The following CEP43 variants were observed in gnomAD, a reference collection of about 807,000 sequenced individuals.
CEP43 encodes the protein FGFR1 oncogene partner.
A neutral mutation model predicts 52.6 loss-of-function variants in CEP43; 36 were observed. That is an observed-to-expected ratio of 0.68 (90% CI 0.52 to 0.90). CEP43 has a LOEUF of 0.90. Among genes scored for constraint, CEP43 ranks in the 40% least tolerant of loss-of-function variants. The pLI, the probability that CEP43 is intolerant of heterozygous loss-of-function variation, is 0.00. For missense variants in CEP43, 506 were observed against 472.8 expected, an observed-to-expected ratio of 1.07 and a Z score of -0.65; for synonymous variants, 192 against 172.4, an observed-to-expected ratio of 1.11 and a Z score of -0.89.
chr6:167,015,542 A>G (rs570768518), intron 7 of CEP43, among the ~76,000 whole-genome samples: 2 of 152,322 alleles, frequency 1.3e-5, no homozygotes, highest in East Asian at 1.9e-4. Context: ...CTCCCAAGGT[A>G]TGCAAAGCCA....
At position 167,041,877 on chromosome 6, in the gene CEP43, A is replaced by G. The variant is rs558069577; in HGVS notation, c.*1899A>G. 2.1e-4 allele frequency: 183 copies of G among 873,070 alleles called. No homozygotes were observed. In the South Asian group the frequency reaches 2.4e-3, roughly 11 times the overall value. 54.1% of individuals were successfully genotyped at this position (873,070 alleles called of 1,614,324 possible). On this transcript the variant is annotated 3_prime_UTR_variant, in exon 13 of 13. Coordinates refer to ENST00000366847, the MANE Select transcript of CEP43 (RefSeq NM_007045.4). ...CTCACTGTGTCACTCAGACTGGAGTACAGTGATGCGATCTCGGCTCACTGC... is the reference window on the plus strand; with the variant it reads ...CTCACTGTGTCACTCAGACTGGAGTGCAGTGATGCGATCTCGGCTCACTGC...
chr6:167,023,568 C>T lies in CEP43; in HGVS notation c.806+933C>T, dbSNP rs147694789. On this transcript the variant is annotated intron_variant, in intron 8 of 12. Coordinates refer to ENST00000366847, the MANE Select transcript of CEP43 (RefSeq NM_007045.4). ...TCCAAAGTAGGCTATTGAGTGTATG[C>T]GTTGGGATTGATGGAGAGGTCTGAG... Among the ~76,000 whole-genome samples the T allele has an allele frequency of 3.7e-3, 569 of 152,166 alleles. 2 individuals are homozygous for T. The highest frequency in any genetic ancestry group is 5.9e-3 in the Non-Finnish European group (399 of 67,996).
intron 10 of CEP43, among the ~76,000 whole-genome samples, chr6:167,030,220 A>C (rs751968542): frequency 2.6e-5 from 4 of 152,158 alleles, no homozygotes; most frequent in African/African-American, 4.8e-5. Context: ...TTAAATCCAC[A>C]TTGCAGCCAC....
Position 167,048,355 on chromosome 6 carries a change from C to G in CEP43, c.*8377C>G, listed in dbSNP as rs1246058641. Reference sequence around the variant, plus strand: ...ACCATTCTGGGCAATACGGTGAAACCCTGTCTCTACAAAAAAATGCAAAGA... The same window carrying G: ...ACCATTCTGGGCAATACGGTGAAACGCTGTCTCTACAAAAAAATGCAAAGA... On this transcript the variant is annotated 3_prime_UTR_variant, in exon 13 of 13. Coordinates refer to ENST00000366847, the MANE Select transcript of CEP43 (RefSeq NM_007045.4). The G allele has an allele frequency of 2.0e-5, 3 of 152,278 alleles. No homozygotes were observed. The East Asian group carries it at 5.8e-4, about 29-fold the overall frequency. 9.4% of individuals were successfully genotyped at this position (152,278 alleles called of 1,614,324 possible). A position where few individuals can be genotyped will look rare whatever the true frequency, so the allele number is the denominator to read the frequency against.
chr6:167,041,437 C>T lies in CEP43; in HGVS notation c.*1459C>T. ...TCCGTCTGTGAGCTGCTATCTCAGT[C>T]TCCTTCAGCTCTTCATGTCTTAGTA... On this transcript the variant is annotated 3_prime_UTR_variant, in exon 13 of 13. Transcript: ENST00000366847. The T allele has an allele frequency of 9.4e-7, 1 of 1,060,284 alleles. No individual in the cohort carries two copies. The highest frequency in any genetic ancestry group is 1.1e-6 in the Non-Finnish European group (1 of 876,084). The allele number at this position is 1,060,284 out of a possible 1,614,324, so 65.7% of individuals were successfully genotyped here.
intron 5 of CEP43, among the ~76,000 whole-genome samples, chr6:167,010,052 T>C (rs932345690): frequency 2.0e-5 from 3 of 152,202 alleles, no homozygotes; most frequent in East Asian, 1.9e-4. Context: ...ACTGAAGTTA[T>C]GAAGAACAGC....
chr6:167,010,333 G>T (rs1319868206), intron 5 of CEP43, among the ~76,000 whole-genome samples: 2 of 152,338 alleles, frequency 1.3e-5, no homozygotes, highest in East Asian at 3.9e-4. Context: ...GAAAAAAAAT[G>T]TGTGAAAGTA....
At chr6:167,028,154 GT>G (rs1323249705) in intron 10 of CEP43, 17 of 985,190 alleles carry the variant, frequency 1.7e-5, no homozygotes, top group Non-Finnish European at 2.0e-5. Flanking sequence ...TTTGTGTTCT[GT>G]TTTTTTCACT....
chr6:167,004,990 A>G (rs1321576143), intron 5 of CEP43, among the ~76,000 whole-genome samples: 3 of 152,180 alleles, frequency 2.0e-5, no homozygotes, highest in African/African-American at 7.2e-5. Flanking sequence ...AAATTGTGCT[A>G]ATGAGATTAA....
At chr6:167,031,764 C>G (rs140481916) in intron 10 of CEP43, among the ~76,000 whole-genome samples, 3 of 152,304 alleles carry the variant, frequency 2.0e-5, no homozygotes, top group African/African-American at 4.8e-5. Context: ...GCCTCCAAGT[C>G]TGCTTTGAGG....
rs909792695 is a variant in CEP43 at position 167,042,165 on chromosome 6, C to G, written c.*2187C>G. 2.0e-6 allele frequency: 2 copies of G among 1,008,242 alleles called. No homozygotes were observed. Among genetic ancestry groups the G allele is most frequent in the African/African-American group, 3.5e-5 (2 of 57,942 alleles). The allele number at this position is 1,008,242 out of a possible 1,614,324, so 62.5% of individuals were successfully genotyped here. A position where few individuals can be genotyped will look rare whatever the true frequency, so the allele number is the denominator to read the frequency against. Reference sequence around the variant, plus strand: ...TGATTTTGAATGACTTAAAGTTCAACTATGAAAAAGCTTTCTTTTCACATG... The same window carrying G: ...TGATTTTGAATGACTTAAAGTTCAAGTATGAAAAAGCTTTCTTTTCACATG... On this transcript the variant is annotated 3_prime_UTR_variant, in exon 13 of 13. Coordinates refer to ENST00000366847, the MANE Select transcript of CEP43 (RefSeq NM_007045.4).
intron 12 of CEP43, among the ~76,000 whole-genome samples, chr6:167,035,137 C>T (rs1780556575): frequency 6.6e-6 from 1 of 152,180 alleles, no homozygotes; most frequent in African/African-American, 2.4e-5. Context: ...TGTTAGACTG[C>T]TTCTCACTGG....
chr6:167,001,466 T>C (rs968376771), intron 2 of CEP43, among the ~76,000 whole-genome samples: 1 of 152,222 alleles, frequency 6.6e-6, no homozygotes, highest in African/African-American at 2.4e-5. Context: ...TTCTTTAGCA[T>C]GATCTTTTTC....
rs1230380769 is a variant in CEP43, at chr6:167,052,427, T to C, written c.*12449T>C. ...CCTTTAGTGGATACCCTGAGCTTAT[T>C]TCCAGGGGCCTTTGTAAATTCCCAG... On this transcript the variant is annotated 3_prime_UTR_variant, in exon 13 of 13. Transcript: ENST00000366847. The C allele has an allele frequency of 6.6e-6, 1 of 152,222 alleles. No homozygotes were observed. The highest frequency in any genetic ancestry group is 2.4e-5 in the African/African-American group (1 of 41,466). The allele number at this position is 152,222 out of a possible 1,614,324, so 9.4% of individuals were successfully genotyped here.
chr6:167,041,518 A>G lies in CEP43; in HGVS notation c.*1540A>G. The stretch of plus-strand genomic sequence containing the variant: ...GCAGTCCCCCAGTGTGGTTGTTATA[A>G]AATGCATTTCTTTGTAAGTCATCTC... On this transcript the variant is annotated 3_prime_UTR_variant, in exon 13 of 13. Coordinates refer to ENST00000366847, the MANE Select transcript of CEP43 (RefSeq NM_007045.4). The G allele has an allele frequency of 3.8e-6, 4 of 1,054,376 alleles. No homozygotes were observed. Among genetic ancestry groups the G allele is most frequent in the Non-Finnish European group, 4.6e-6 (4 of 872,386 alleles). The allele number at this position is 1,054,376 out of a possible 1,614,324, so 65.3% of individuals were successfully genotyped here.
intron 7 of CEP43, among the ~76,000 whole-genome samples, chr6:167,018,718 T>C (rs1184264795): frequency 3.3e-5 from 5 of 152,248 alleles, no homozygotes; most frequent in Non-Finnish European, 7.4e-5. Flanking sequence ...ATTTGTTAGT[T>C]TTTAAACAAT....
chr6:167,006,172 CTG>C (rs1021604803), intron 5 of CEP43, among the ~76,000 whole-genome samples: 5 of 152,296 alleles, frequency 3.3e-5, no homozygotes, highest in African/African-American at 4.8e-5. Context: ...ACGGAGGACT[CTG>C]TGTGTTACTG....
intron 7 of CEP43, among the ~76,000 whole-genome samples, chr6:167,017,287 G>A (rs1228292944): frequency 1.3e-5 from 2 of 152,068 alleles, no homozygotes; most frequent in Non-Finnish European, 2.9e-5. Context: ...GAGCCACCGC[G>A]CCTGGCCAAT....
In CEP43 at chr6:167,044,603, G is replaced by T. The variant is rs1780763800; in HGVS notation, c.*4625G>T. 5.4e-6 allele frequency: 5 copies of T among 919,982 alleles called. No individual in the cohort carries two copies. In the South Asian group the frequency reaches 1.5e-4, roughly 28 times the overall value. 57.0% of individuals were successfully genotyped at this position (919,982 alleles called of 1,614,324 possible). A position where few individuals can be genotyped will look rare whatever the true frequency, so the allele number is the denominator to read the frequency against. ...TAGGAGGGACAGCGTTTTTGAATGTGAAATTTATTCCCTGATACATGTTTT... is the reference window on the plus strand; with the variant it reads ...TAGGAGGGACAGCGTTTTTGAATGTTAAATTTATTCCCTGATACATGTTTT... On this transcript the variant is annotated 3_prime_UTR_variant, in exon 13 of 13. Coordinates refer to ENST00000366847, the MANE Select transcript of CEP43 (RefSeq NM_007045.4).
Sources: gnomAD v4.1 joint callset for allele counts (sites outside exome capture counted in the v4.1 genomes callset) on GRCh38, gnomAD v4.1.1 for gene constraint, MANE v1.5 for transcripts, NCBI Gene and HGNC (gene_info 2026-07-23, HGNC 2026-07-21) for gene names.